The following LRRFIP1 variants were observed in gnomAD, a reference collection of about 807,000 sequenced individuals.
The protein encoded by LRRFIP1 is leucine-rich repeat flightless-interacting protein 1.
In LRRFIP1, 62 loss-of-function variants were observed where a neutral mutation model predicts 104.4. That is an observed-to-expected ratio of 0.59 (90% CI 0.48 to 0.73). The LOEUF is 0.73. LRRFIP1 is among the 30% of genes least tolerant of loss of function. The probability of loss-of-function intolerance (pLI) is 0.00; values close to 1 mark genes in which losing one functional copy is unlikely to be tolerated. For missense variants in LRRFIP1, 796 were observed against 824.5 expected (o/e 0.97, Z 0.42); for synonymous variants, 300 against 299.0 (o/e 1.00, Z -0.03).
intron 1 of LRRFIP1, among the ~76,000 whole-genome samples, chr2:237,664,554 A>G (rs892570219): frequency 2.0e-5 from 3 of 152,210 alleles, no homozygotes; most frequent in African/African-American, 7.2e-5. Flanking sequence ...CCAAGACTGA[A>G]TGGACTTTTT....
chr2:237,655,558 A>C (rs1274987533), intron 1 of LRRFIP1, among the ~76,000 whole-genome samples: 1 of 152,232 alleles, frequency 6.6e-6, no homozygotes, highest in African/African-American at 2.4e-5. Context: ...TGTTGCTGTG[A>C]AAGTTAGCTA....
At chr2:237,753,240 A>G in intron 14 of LRRFIP1, 69 bp from the exon 15 acceptor site, 1 of 1,257,544 alleles carries the variant, frequency 8.0e-7, no homozygotes, top group Non-Finnish European at 1.1e-6. Context: ...TTTTTTTAAC[A>G]GAATACTGAA....
At chr2:237,706,184 C>A (rs990274429) in intron 1 of LRRFIP1, among the ~76,000 whole-genome samples, 4 of 152,144 alleles carry the variant, frequency 2.6e-5, no homozygotes, top group African/African-American at 9.7e-5. Flanking sequence ...ATTCCACGTT[C>A]CCACACAGTG....
chr2:237,674,958 C>T (rs2149580050), intron 1 of LRRFIP1, among the ~76,000 whole-genome samples: 2 of 152,364 alleles, frequency 1.3e-5, no homozygotes, highest in South Asian at 4.1e-4. Context: ...GGGCCCTGCC[C>T]CCAGAGAGAG....
At chr2:237,750,189 C>G (rs1156491096) in intron 13 of LRRFIP1, among the ~76,000 whole-genome samples, 5 of 152,104 alleles carry the variant, frequency 3.3e-5, no homozygotes, top group Non-Finnish European at 7.4e-5. Flanking sequence ...CCAGGGTTAC[C>G]TTGAAGATGC....
At chr2:237,773,294 T>C (rs1389706372) in intron 22 of LRRFIP1, among the ~76,000 whole-genome samples, 2 of 152,188 alleles carry the variant, frequency 1.3e-5, no homozygotes, top group Admixed American at 6.5e-5. Context: ...TCCCAGCACT[T>C]TGGGAGGCTG....
At chr2:237,768,974 GT>G (rs1425345847) in intron 19 of LRRFIP1, 1 of 152,322 alleles carries the variant, frequency 6.6e-6, no homozygotes, top group African/African-American at 2.4e-5. Flanking sequence ...CGGGTGCAGT[GT>G]TTAGGGGAGT....
At chr2:237,740,169 G>A (rs758954329) in intron 11 of LRRFIP1, among the ~76,000 whole-genome samples, 14 of 152,028 alleles carry the variant, frequency 9.2e-5, no homozygotes, top group Non-Finnish European at 1.9e-4. Flanking sequence ...GTCATGGGAG[G>A]CTGAGGCAAG....
intron 1 of LRRFIP1, among the ~76,000 whole-genome samples, chr2:237,647,001 A>G (rs552796724): frequency 6.6e-6 from 1 of 152,022 alleles, no homozygotes; most frequent in African/African-American, 2.4e-5. Context: ...TGCTTTCTAC[A>G]TTTACTGTAA....
chr2:237,638,348 T>A (rs1261071484), intron 1 of LRRFIP1, among the ~76,000 whole-genome samples: 1 of 152,242 alleles, frequency 6.6e-6, no homozygotes, highest in Non-Finnish European at 1.5e-5. Context: ...GCTGCTCATC[T>A]GACAAGAGGT....
chr2:237,705,123 CT>C (rs2093739274), intron 1 of LRRFIP1, among the ~76,000 whole-genome samples: 1 of 152,156 alleles, frequency 6.6e-6, no homozygotes, highest in African/African-American at 2.4e-5. Context: ...CTGCAAGGAC[CT>C]TTGGCCAGAC....
chr2:237,659,765 C>A (rs902780810), intron 1 of LRRFIP1, among the ~76,000 whole-genome samples: 1 of 151,942 alleles, frequency 6.6e-6, no homozygotes, highest in Non-Finnish European at 1.5e-5. Context: ...CTCAGCTTCC[C>A]AAGTAGCTGG....
intron 1 of LRRFIP1, among the ~76,000 whole-genome samples, chr2:237,653,754 G>A (rs544992397): frequency 1.4e-4 from 22 of 152,242 alleles, no homozygotes; most frequent in Middle Eastern, 6.8e-3. Flanking sequence ...CACACTATGG[G>A]GAAAGGATAA....
intron 1 of LRRFIP1, among the ~76,000 whole-genome samples, chr2:237,693,826 T>TAGG (rs1330219332): frequency 6.6e-6 from 1 of 151,602 alleles, no homozygotes; most frequent in Non-Finnish European, 1.5e-5. Context: ...ATCAGAGGAG[T>TAGG]AGGTAGAGGC....
chr2:237,762,695 G>C, intron 19 of LRRFIP1: 1 of 1,614,210 alleles, frequency 6.2e-7, no homozygotes. Context: ...ACAACACACA[G>C]AGGACACAGT....
At chr2:237,706,540 T>C (rs1348190830) in intron 1 of LRRFIP1, among the ~76,000 whole-genome samples, 1 of 152,222 alleles carries the variant, frequency 6.6e-6, no homozygotes, top group Non-Finnish European at 1.5e-5. Context: ...CCTTGGTCAC[T>C]TTGCTGGCCC....
chr2:237,684,396 A>G (rs1358870422), intron 1 of LRRFIP1: 1 of 152,292 alleles, frequency 6.6e-6, no homozygotes, highest in Non-Finnish European at 1.5e-5. Flanking sequence ...GAATCACTTG[A>G]ACCCAGGAGG....
intron 11 of LRRFIP1, 56 bp from the exon 12 acceptor site, chr2:237,748,308 T>C (rs570412192): frequency 6.6e-5 from 82 of 1,237,406 alleles, no homozygotes; most frequent in Non-Finnish European, 9.4e-5. Flanking sequence ...CCCATCTTCA[T>C]GTTATCCATT....
At chr2:237,641,041 T>C (rs2083881762) in intron 1 of LRRFIP1, among the ~76,000 whole-genome samples, 2 of 152,194 alleles carry the variant, frequency 1.3e-5, no homozygotes, top group African/African-American at 4.8e-5. Flanking sequence ...CCACATACAC[T>C]GTCCCTCTCA....
Sources: gnomAD v4.1 joint callset for allele counts (sites outside exome capture counted in the v4.1 genomes callset) on GRCh38, gnomAD v4.1.1 for gene constraint, MANE v1.5 for transcripts, NCBI Gene and HGNC (gene_info 2026-07-23, HGNC 2026-07-21) for gene names.